Variants in CSGALNACT1 observed in about 807,000 individuals in gnomAD.
CSGALNACT1 encodes the protein chondroitin sulfate N-acetylgalactosaminyltransferase 1.
CSGALNACT1 carries 52 observed loss-of-function variants against 51.0 expected under a neutral mutation model. That is an observed-to-expected ratio of 1.02 (90% CI 0.82 to 1.29). The LOEUF is 1.29. Ranked by LOEUF, CSGALNACT1 falls within the 50% of genes most tolerant of loss-of-function variation. The probability of loss-of-function intolerance (pLI) is 0.00; values close to 1 mark genes in which losing one functional copy is unlikely to be tolerated. For missense variants in CSGALNACT1, 935 were observed against 679.2 expected, an observed-to-expected ratio of 1.38 and a Z score of -4.19; for synonymous variants, 341 against 254.4, an observed-to-expected ratio of 1.34 and a Z score of -3.24.
intron 1 of CSGALNACT1, among the ~76,000 whole-genome samples, chr8:19,619,763 A>G (rs932145149): frequency 1.3e-5 from 2 of 152,230 alleles, no homozygotes; most frequent in Admixed American, 1.3e-4. Flanking sequence ...TGAGTTCCAA[A>G]TACTGAATAA....
chr8:19,484,988 C>T (rs2072500123), intron 4 of CSGALNACT1, among the ~76,000 whole-genome samples: 2 of 152,108 alleles, frequency 1.3e-5, no homozygotes, highest in South Asian at 4.2e-4. Flanking sequence ...AAAACCAGAC[C>T]TGCTGGCACT....
chr8:19,631,682 T>A (rs1735656022), intron 1 of CSGALNACT1, among the ~76,000 whole-genome samples: 3 of 152,200 alleles, frequency 2.0e-5, no homozygotes, highest in Non-Finnish European at 2.9e-5. Context: ...CAAAATGAAC[T>A]TTTTTAGTAC....
At chr8:19,660,940 T>C (rs1319272429) in intron 1 of CSGALNACT1, among the ~76,000 whole-genome samples, 1 of 152,122 alleles carries the variant, frequency 6.6e-6, no homozygotes, top group Non-Finnish European at 1.5e-5. Flanking sequence ...TGAGGCAGAG[T>C]CTTGCTCTGT....
intron 3 of CSGALNACT1, among the ~76,000 whole-genome samples, chr8:19,532,670 T>A (rs147224969): frequency 6.6e-6 from 1 of 152,168 alleles, no homozygotes; most frequent in African/African-American, 2.4e-5. Context: ...TCCTACCATA[T>A]TCCAGTCATA....
chr8:19,652,210 C>G lies in CSGALNACT1; in HGVS notation c.-544+30263G>C, dbSNP rs577891536. 4.6e-5 allele frequency among the ~76,000 whole-genome samples: 7 copies of G among 152,228 alleles called. No individual in the cohort carries two copies. The South Asian group carries it at 1.4e-3, about 32-fold the overall frequency. ...AAGCAATCCACCTGCCTAGGCCTCC[C>G]AAAGTACTAAGATTACAGGCATGAG... On this transcript the variant is annotated intron_variant, in intron 1 of 9. Transcript: ENST00000332246.
chr8:19,457,741 C>G, intron 5 of CSGALNACT1: 1 of 1,348,968 alleles, frequency 7.4e-7, no homozygotes, highest in Non-Finnish European at 9.8e-7. Context: ...TGCATCTGAG[C>G]CATCACAGCT....
At chr8:19,555,542 C>T (rs2089502420) in intron 3 of CSGALNACT1, among the ~76,000 whole-genome samples, 1 of 152,088 alleles carries the variant, frequency 6.6e-6, no homozygotes, top group Non-Finnish European at 1.5e-5. Context: ...AAGCATAATT[C>T]CGATATATTT....
chr8:19,586,557 G>T (rs1178939207), intron 3 of CSGALNACT1, among the ~76,000 whole-genome samples: 1 of 152,122 alleles, frequency 6.6e-6, no homozygotes, highest in East Asian at 1.9e-4. Flanking sequence ...AGAAACTCTG[G>T]GGATGGGCTT....
intron 1 of CSGALNACT1, among the ~76,000 whole-genome samples, chr8:19,611,101 G>A (rs1204371043): frequency 6.6e-6 from 1 of 152,220 alleles, no homozygotes; most frequent in Non-Finnish European, 1.5e-5. Context: ...ACAAGGCATA[G>A]TTAAAATTGT....
chr8:19,413,225 C>T (rs1004149874), intron 8 of CSGALNACT1, among the ~76,000 whole-genome samples: 2 of 152,084 alleles, frequency 1.3e-5, no homozygotes, highest in Non-Finnish European at 2.9e-5. Context: ...TTCCAGGAAC[C>T]TATCATCTAA....
At chr8:19,541,246 ATT>A (rs34749639) in intron 3 of CSGALNACT1, among the ~76,000 whole-genome samples, 260 of 111,268 alleles carry the variant, frequency 2.3e-3, no homozygotes, top group African/African-American at 5.9e-3. Context: ...AACTTGGCTA[ATT>A]TTTTTTTTTT....
At chr8:19,727,584 G>A (rs1249495688) in intron 1 of CSGALNACT1, among the ~76,000 whole-genome samples, 2 of 152,150 alleles carry the variant, frequency 1.3e-5, no homozygotes, top group South Asian at 2.1e-4. Context: ...CTCCTGGGCT[G>A]AAGCGATCCA....
At position 19,506,084 on chromosome 8, in the gene CSGALNACT1, A is replaced by T; in HGVS notation, c.-250T>A. The stretch of plus-strand genomic sequence containing the variant: ...GTGAAATCTCCAAGTTTTCACCTTC[A>T]TTCCCATCACAGCCTTCCTGATGTG... On this transcript the variant is annotated 5_prime_UTR_variant, in exon 4 of 10. An upstream start codon of the reference 5' UTR is lost. Transcript: ENST00000454498. 1.5e-6 allele frequency: 1 copy of T among 661,166 alleles called. No individual in the cohort carries two copies. Among genetic ancestry groups the T allele is most frequent in the Non-Finnish European group, 2.8e-6 (1 of 360,770 alleles). The allele number at this position is 661,166 out of a possible 1,614,324, so 41.0% of individuals were successfully genotyped here.
At chr8:19,466,424 C>T (rs191884590) in intron 4 of CSGALNACT1, among the ~76,000 whole-genome samples, 8 of 152,154 alleles carry the variant, frequency 5.3e-5, no homozygotes, top group Middle Eastern at 3.2e-3. Flanking sequence ...AATCTGTTTA[C>T]GCTTTGCACC....
chr8:19,733,252 A>T (rs1431150233), intron 1 of CSGALNACT1, among the ~76,000 whole-genome samples: 1 of 152,198 alleles, frequency 6.6e-6, no homozygotes, highest in African/African-American at 2.4e-5. Context: ...CCATCCCTAT[A>T]TTCCAAGTTC....
chr8:19,571,231 A>G (rs2042953624), intron 3 of CSGALNACT1, among the ~76,000 whole-genome samples: 1 of 152,108 alleles, frequency 6.6e-6, no homozygotes, highest in South Asian at 2.1e-4. Flanking sequence ...CAACCTCCCA[A>G]AGCACTGGGA....
intron 1 of CSGALNACT1, among the ~76,000 whole-genome samples, chr8:19,618,495 C>T (rs901115303): frequency 7.9e-5 from 12 of 151,540 alleles, no homozygotes; most frequent in Non-Finnish European, 2.9e-5. Context: ...TAAAAATTAG[C>T]CAGGCTCAGT....
intron 3 of CSGALNACT1, among the ~76,000 whole-genome samples, chr8:19,590,487 C>T (rs986635299): frequency 2.6e-5 from 4 of 152,100 alleles, no homozygotes; most frequent in Admixed American, 2.0e-4. Context: ...AAGGTTGAGA[C>T]ATCGCGCAGT....
chr8:19,440,150 T>TA (rs1479474348), intron 5 of CSGALNACT1, among the ~76,000 whole-genome samples: 1 of 152,162 alleles, frequency 6.6e-6, no homozygotes, highest in Admixed American at 6.6e-5. Context: ...AAACATGCAG[T>TA]AAATCAAAAC....
Sources: gnomAD v4.1 joint callset for allele counts (sites outside exome capture counted in the v4.1 genomes callset) on GRCh38, gnomAD v4.1.1 for gene constraint, MANE v1.5 for transcripts, NCBI Gene and HGNC (gene_info 2026-07-23, HGNC 2026-07-21) for gene names.